Variants in MCF2L2 observed in about 807,000 individuals in gnomAD.
The protein encoded by MCF2L2 is MCF.2 cell line derived transforming sequence-like 2, also known as probable guanine nucleotide exchange factor MCF2L2.
Under a neutral mutation model 150.2 loss-of-function variants are expected in MCF2L2, and 102 were observed. The observed-to-expected ratio is 0.68, with a 90% CI of 0.58 to 0.80. MCF2L2 has a LOEUF of 0.80. MCF2L2 is among the 30% of genes least tolerant of loss of function. The pLI is 0.00. For synonymous variants in MCF2L2, 465 were observed against 491.3 expected (o/e 0.95, Z 0.71); for missense variants, 1,256 against 1,372.8 (o/e 0.91, Z 1.34).
intron 3 of MCF2L2, among the ~76,000 whole-genome samples, chr3:183,363,659 G>C (rs1431828031): frequency 2.0e-5 from 3 of 152,142 alleles, no homozygotes; most frequent in African/African-American, 7.2e-5. Context: ...AGAATCACTT[G>C]AGCTCAGGAA....
At chr3:183,421,087 CTCT>C (rs1356806145) in intron 1 of MCF2L2, among the ~76,000 whole-genome samples, 1 of 152,072 alleles carries the variant, frequency 6.6e-6, no homozygotes, top group African/African-American at 2.4e-5. Flanking sequence ...AGTCATTTTT[CTCT>C]TCTTTCAAAA....
intron 15 of MCF2L2, among the ~76,000 whole-genome samples, chr3:183,241,662 T>G (rs749284562): frequency 6.6e-5 from 10 of 152,326 alleles, no homozygotes; most frequent in Non-Finnish European, 1.3e-4. Context: ...AATTACCCAG[T>G]CTCAGCTATG....
chr3:183,244,451 T>C (rs1724164425), intron 15 of MCF2L2, among the ~76,000 whole-genome samples: 2 of 152,184 alleles, frequency 1.3e-5, no homozygotes, highest in Non-Finnish European at 2.9e-5. Context: ...ATGCCTATTG[T>C]GGGACTTGGT....
At chr3:183,331,332 C>T (rs989479365) in intron 5 of MCF2L2, among the ~76,000 whole-genome samples, 8 of 152,182 alleles carry the variant, frequency 5.3e-5, no homozygotes, top group African/African-American at 1.9e-4. Context: ...GCCCATGCGG[C>T]GTGAGGTGAC....
chr3:183,294,248 A>C (rs1214068067), intron 13 of MCF2L2, among the ~76,000 whole-genome samples: 2 of 152,180 alleles, frequency 1.3e-5, no homozygotes. Context: ...TCAAAGAACC[A>C]ATTTTACTAC....
At chr3:183,253,541 G>T (rs1442508219) in intron 15 of MCF2L2, 1 of 152,312 alleles carries the variant, frequency 6.6e-6, no homozygotes, top group Non-Finnish European at 1.5e-5. Context: ...AACGGACAGC[G>T]GCAGTGCAGC....
At chr3:183,225,885 G>A (rs1490071112) in intron 18 of MCF2L2, 1 of 152,216 alleles carries the variant, frequency 6.6e-6, no homozygotes, top group East Asian at 1.9e-4. Flanking sequence ...TTAGCCTGTT[G>A]TGTGGAGGAG....
chr3:183,284,322 A>C (rs1465471790), intron 14 of MCF2L2, among the ~76,000 whole-genome samples: 1 of 152,218 alleles, frequency 6.6e-6, no homozygotes, highest in African/African-American at 2.4e-5. Flanking sequence ...CCAAGTCCTC[A>C]TGACCTATAA....
At chr3:183,230,551 T>C (rs1050253540) in intron 16 of MCF2L2, among the ~76,000 whole-genome samples, 27 of 152,230 alleles carry the variant, frequency 1.8e-4, no homozygotes, top group African/African-American at 6.5e-4. Context: ...ATCGCGTACA[T>C]ATAATTTTTT....
intron 1 of MCF2L2, among the ~76,000 whole-genome samples, chr3:183,396,399 G>T (rs994634539): frequency 1.6e-4 from 25 of 152,102 alleles, no homozygotes; most frequent in Non-Finnish European, 3.5e-4. Context: ...AGATTCTTTG[G>T]TAATGACATA....
At chr3:183,195,806 C>T (rs767617419) in intron 25 of MCF2L2, among the ~76,000 whole-genome samples, 2 of 152,200 alleles carry the variant, frequency 1.3e-5, no homozygotes, top group Non-Finnish European at 2.9e-5. Flanking sequence ...CTATACCTGA[C>T]TCTCCCAGGC....
intron 2 of MCF2L2, among the ~76,000 whole-genome samples, chr3:183,387,867 G>A (rs1713921017): frequency 1.3e-5 from 2 of 149,082 alleles, no homozygotes; most frequent in African/African-American, 2.5e-5. Context: ...GGGAGGTGGA[G>A]GTTGCAGTGA....
intron 15 of MCF2L2, among the ~76,000 whole-genome samples, chr3:183,248,316 T>C (rs949747107): frequency 1.3e-5 from 2 of 152,134 alleles, no homozygotes; most frequent in East Asian, 1.9e-4. Context: ...TAATTTATCA[T>C]AGACTTTAGA....
intron 1 of MCF2L2, among the ~76,000 whole-genome samples, chr3:183,391,442 T>C (rs1189166582): frequency 6.6e-6 from 1 of 152,186 alleles, no homozygotes; most frequent in Non-Finnish European, 1.5e-5. Context: ...AACTCCTTCG[T>C]CACTGTTCAT....
chr3:183,216,378 A>AGCT (rs1319406672), intron 21 of MCF2L2, among the ~76,000 whole-genome samples: 1 of 146,756 alleles, frequency 6.8e-6, no homozygotes, highest in East Asian at 2.0e-4. Flanking sequence ...AGAAACATAT[A>AGCT]GAATTCAGCT....
In MCF2L2 at chr3:183,227,849, A is replaced by G. The variant is rs1422442294; in HGVS notation, c.2115+448T>C. The G allele has an allele frequency of 6.3e-6, 1 of 157,600 alleles. No individual in the cohort carries two copies. Among genetic ancestry groups the G allele is most frequent in the Non-Finnish European group, 1.4e-5 (1 of 71,182 alleles). The allele number at this position is 157,600 out of a possible 1,614,324, so 9.8% of individuals were successfully genotyped here. A position where few individuals can be genotyped will look rare whatever the true frequency, so the allele number is the denominator to read the frequency against. ...TTGACAAATTGCAAGTGTACAGTAC[A>G]GTATTATTCCATGATAGTCGCCATG... is the stretch of plus-strand genomic sequence containing the variant. On this transcript the variant is annotated intron_variant, in intron 18 of 29. Transcript: ENST00000328913. The surrounding 1 kb of genome is among the most constrained non-coding windows in gnomAD (Gnocchi z 4.0).
intron 15 of MCF2L2, among the ~76,000 whole-genome samples, chr3:183,234,498 G>C (rs1030368085): frequency 6.6e-6 from 1 of 152,128 alleles, no homozygotes; most frequent in African/African-American, 2.4e-5. Context: ...ACCTGTTGGA[G>C]TGCAAGAGAT....
intron 5 of MCF2L2, among the ~76,000 whole-genome samples, chr3:183,323,658 C>G (rs1577063536): frequency 1.3e-5 from 2 of 151,782 alleles, no homozygotes; most frequent in South Asian, 4.2e-4. Flanking sequence ...ATTAGCCAGG[C>G]ATGGTGGCAT....
At chr3:183,199,618 T>C (rs1311909740) in intron 25 of MCF2L2, among the ~76,000 whole-genome samples, 1 of 149,564 alleles carries the variant, frequency 6.7e-6, no homozygotes, top group Non-Finnish European at 1.5e-5. Context: ...AAATTTTTTT[T>C]TCCTTTTTTT....
Sources: gnomAD v4.1 joint callset for allele counts (sites outside exome capture counted in the v4.1 genomes callset) on GRCh38, gnomAD v4.1.1 for gene constraint, Gnocchi (gnomAD v3.1) non-coding constraint, MANE v1.5 for transcripts, NCBI Gene and HGNC (gene_info 2026-07-23, HGNC 2026-07-21) for gene names.